PRSS23: variants seen among roughly 807,000 people sequenced by gnomAD.
The protein encoded by PRSS23 is protease, serine 23.
Under a neutral mutation model 34.7 loss-of-function variants are expected in PRSS23, and 25 were observed. The ratio of observed to expected loss-of-function variants is 0.72; its 90% CI spans 0.53 to 1.01. PRSS23 has a LOEUF of 1.01. PRSS23 is among the 50% of genes least tolerant of loss of function. The probability of loss-of-function intolerance (pLI) is 0.00; values close to 1 mark genes in which losing one functional copy is unlikely to be tolerated. For synonymous variants in PRSS23, 176 were observed against 186.6 expected (o/e 0.94, Z 0.46); for missense variants, 445 against 475.6 (o/e 0.94, Z 0.60).
chr11:86,812,271 C>T (rs912043585), downstream of PRSS23, among the ~76,000 whole-genome samples: 14 of 152,226 alleles, frequency 9.2e-5, no homozygotes, highest in Non-Finnish European at 1.8e-4. Context: ...CTGCGTTTCT[C>T]CTCTCTGGGC....
chr11:86,897,642 TG>T, intron 2 of PRSS23, among the ~76,000 whole-genome samples: 1 of 151,316 alleles, frequency 6.6e-6, no homozygotes, highest in Non-Finnish European at 1.5e-5. Flanking sequence ...AGTTTTTTTT[TG>T]TTTGTTTGTT....
At chr11:86,924,747 G>A (rs1949069290) in intron 2 of PRSS23, among the ~76,000 whole-genome samples, 1 of 152,196 alleles carries the variant, frequency 6.6e-6, no homozygotes, top group African/African-American at 2.4e-5. Context: ...AGACTACATT[G>A]TTTAAAATGG....
chr11:86,929,744 A>G (rs984155602), intron 2 of PRSS23, among the ~76,000 whole-genome samples: 6 of 152,252 alleles, frequency 3.9e-5, no homozygotes, highest in Admixed American at 2.0e-4. Context: ...TCTGTATATG[A>G]TTGTTATCAT....
At chr11:86,800,451 G>T (rs1482436714), upstream of PRSS23, 1 of 983,868 alleles carries the variant, frequency 1.0e-6, no homozygotes, top group African/African-American at 1.7e-5. Flanking sequence ...GCGTCCGCGC[G>T]GCTTCCCCGA....
At chr11:86,927,574 T>G (rs765178389) in intron 2 of PRSS23, among the ~76,000 whole-genome samples, 1 of 152,180 alleles carries the variant, frequency 6.6e-6, no homozygotes, top group Non-Finnish European at 1.5e-5. Flanking sequence ...CTTGAACTCC[T>G]AAGCTCAAGC....
chr11:86,940,975 A>C (rs1319722669), intron 2 of PRSS23: 1 of 152,236 alleles, frequency 6.6e-6, no homozygotes, highest in African/African-American at 2.4e-5. Flanking sequence ...TAGGCCTAGA[A>C]AAGGTGGTCA....
chr11:86,812,057 G>A (rs576092698), downstream of PRSS23, among the ~76,000 whole-genome samples: 3 of 152,290 alleles, frequency 2.0e-5, 1 homozygote, highest in Non-Finnish European at 2.9e-5. Context: ...TGTTTGATAA[G>A]GCAGCCATTT....
intron 2 of PRSS23, among the ~76,000 whole-genome samples, chr11:86,889,769 G>T (rs961105772): frequency 6.6e-6 from 1 of 152,202 alleles, no homozygotes; most frequent in Non-Finnish European, 1.5e-5. Flanking sequence ...GTCACTCCGA[G>T]ACTTATCCAT....
intron 2 of PRSS23, among the ~76,000 whole-genome samples, chr11:86,852,169 A>G (rs1948535277): frequency 6.6e-6 from 1 of 152,142 alleles, no homozygotes; most frequent in Non-Finnish European, 1.5e-5. Context: ...GTGGTGCACG[A>G]TGGAGTCTCA....
At chr11:86,932,584 A>G (rs1329799556) in intron 2 of PRSS23, 2 of 145,112 alleles carry the variant, frequency 1.4e-5, no homozygotes, top group Non-Finnish European at 3.0e-5. Context: ...CATTTAACTG[A>G]ATTCAACTTT....
At chr11:86,825,871 T>G (rs1236389439) in intron 2 of PRSS23, among the ~76,000 whole-genome samples, 2 of 151,332 alleles carry the variant, frequency 1.3e-5, no homozygotes, top group African/African-American at 2.4e-5. Context: ...CCATGCTGTT[T>G]TGGTTACTGT....
intron 2 of PRSS23, chr11:86,836,816 C>T (rs556566406): frequency 6.6e-6 from 1 of 152,324 alleles, no homozygotes; most frequent in South Asian, 2.1e-4. Flanking sequence ...CGGGCACCCT[C>T]AGAGTTTGGA....
At chr11:86,800,425 T>C, upstream of PRSS23, 2 of 981,706 alleles carry the variant, frequency 2.0e-6, no homozygotes, top group Non-Finnish European at 2.4e-6. Flanking sequence ...ACGGTTTATG[T>C]GCAGTGGGGC....
intron 2 of PRSS23, among the ~76,000 whole-genome samples, chr11:86,871,160 A>G (rs1332944808): frequency 6.6e-6 from 1 of 152,196 alleles, no homozygotes; most frequent in African/African-American, 2.4e-5. Flanking sequence ...CTAGCAGATC[A>G]TCTTGATCCT....
chr11:86,888,845 G>A (rs977780111), intron 2 of PRSS23, among the ~76,000 whole-genome samples: 12 of 152,238 alleles, frequency 7.9e-5, no homozygotes, highest in Non-Finnish European at 1.3e-4. Context: ...GGATCCAACT[G>A]AATTGCTTCA....
At chr11:86,855,509 T>A (rs7107277) in intron 2 of PRSS23, among the ~76,000 whole-genome samples, 2,335 of 152,284 alleles carry the variant, frequency 0.015, 62 homozygotes, top group African/African-American at 0.053. Flanking sequence ...TTTGCGTGTG[T>A]GTGTGTGATG....
At chr11:86,918,830 G>A (rs987574990) in intron 2 of PRSS23, among the ~76,000 whole-genome samples, 9 of 152,126 alleles carry the variant, frequency 5.9e-5, no homozygotes, top group African/African-American at 1.2e-4. Flanking sequence ...TTTTTGTAAT[G>A]AGCGCATATT....
chr11:86,808,932 C>A lies in PRSS23; in HGVS notation c.*137C>A. On this transcript the variant is annotated 3_prime_UTR_variant, in exon 2 of 2. Coordinates refer to ENST00000280258, the MANE Select transcript of PRSS23 (RefSeq NM_007173.6). ...TGTAAGGTGTCTTATAATCTTTTAC[C>A]TATTTCTTACAATTGCAAGATGACT... is the stretch of plus-strand genomic sequence containing the variant. 1.4e-6 allele frequency: 1 copy of A among 721,776 alleles called. No homozygotes were observed. The highest frequency in any genetic ancestry group is 2.3e-6 in the Non-Finnish European group (1 of 444,372). 44.7% of individuals were successfully genotyped at this position (721,776 alleles called of 1,614,324 possible).
At chr11:86,894,502 T>C (rs1948862095) in intron 2 of PRSS23, among the ~76,000 whole-genome samples, 1 of 152,164 alleles carries the variant, frequency 6.6e-6, no homozygotes, top group African/African-American at 2.4e-5. Flanking sequence ...CACTCTCTTA[T>C]ATAATCACAT....
Sources: gnomAD v4.1 joint callset for allele counts (sites outside exome capture counted in the v4.1 genomes callset) on GRCh38, gnomAD v4.1.1 for gene constraint, MANE v1.5 for transcripts, NCBI Gene and HGNC (gene_info 2026-07-23, HGNC 2026-07-21) for gene names.